Variants in ENTREP2 observed in about 807,000 individuals in gnomAD.
ENTREP2 encodes the protein protein ENTREP2.
At chr15:29,421,167 G>T in the ENTREP2 span, among the ~76,000 whole-genome samples, 1 of 152,206 alleles carries the variant, frequency 6.6e-6, no homozygotes, top group African/African-American at 2.4e-5. Context: ...CAGTATTACT[G>T]AGAGGCTATT....
the ENTREP2 span, among the ~76,000 whole-genome samples, chr15:29,532,262 G>A: frequency 1.3e-5 from 2 of 152,210 alleles, no homozygotes; most frequent in Admixed American, 6.5e-5. Flanking sequence ...AACAGCTCAG[G>A]AAGTGATCTG....
chr15:29,295,217 A>G, the ENTREP2 span, among the ~76,000 whole-genome samples: 1 of 152,250 alleles, frequency 6.6e-6, no homozygotes, highest in Non-Finnish European at 1.5e-5. Flanking sequence ...TCCATCTGAA[A>G]TGCTGCCTCC....
chr15:29,244,877 G>T, the ENTREP2 span, among the ~76,000 whole-genome samples: 1 of 152,282 alleles, frequency 6.6e-6, no homozygotes, highest in South Asian at 2.1e-4. Context: ...CATGCTTGGT[G>T]GTGGGTCACT....
the ENTREP2 span, among the ~76,000 whole-genome samples, chr15:29,322,345 C>T: frequency 6.6e-6 from 1 of 152,154 alleles, no homozygotes; most frequent in African/African-American, 2.4e-5. Flanking sequence ...CCTATAGTCA[C>T]CACATTGTGC....
chr15:29,237,875 T>G, the ENTREP2 span, among the ~76,000 whole-genome samples: 1 of 152,122 alleles, frequency 6.6e-6, no homozygotes, highest in Non-Finnish European at 1.5e-5. Flanking sequence ...GAAATGAAAA[T>G]ATATGCACAT....
At chr15:29,141,316 C>CCT in the ENTREP2 span, among the ~76,000 whole-genome samples, 20 of 152,316 alleles carry the variant, frequency 1.3e-4, no homozygotes, top group South Asian at 6.2e-4. Flanking sequence ...CATTTCTGAT[C>CCT]CTGTGAGTCT....
At chr15:29,361,329 T>G in the ENTREP2 span, among the ~76,000 whole-genome samples, 4 of 152,224 alleles carry the variant, frequency 2.6e-5, no homozygotes, top group Admixed American at 2.6e-4. Flanking sequence ...ATAATCCCTT[T>G]GAAAAGGACA....
chr15:29,581,009 C>A, the ENTREP2 span, among the ~76,000 whole-genome samples: 1 of 152,096 alleles, frequency 6.6e-6, no homozygotes, highest in South Asian at 2.1e-4. Flanking sequence ...TCGCACCAGA[C>A]CTCATATTTC....
chr15:29,664,510 G>A, the ENTREP2 span, among the ~76,000 whole-genome samples: 14 of 150,994 alleles, frequency 9.3e-5, no homozygotes, highest in African/African-American at 2.7e-4. Flanking sequence ...GCTGGATGCC[G>A]ACGCTGGGAG....
chr15:29,524,810 A>G, the ENTREP2 span, among the ~76,000 whole-genome samples: 2 of 152,224 alleles, frequency 1.3e-5, no homozygotes, highest in African/African-American at 2.4e-5. Context: ...CATAACAAAC[A>G]TGGACCAGAA....
At chr15:29,318,469 T>C in the ENTREP2 span, among the ~76,000 whole-genome samples, 1 of 152,082 alleles carries the variant, frequency 6.6e-6, no homozygotes, top group Admixed American at 6.6e-5. Context: ...TACAGGCGCC[T>C]GCCAGCACAC....
At chr15:29,325,932 A>G in the ENTREP2 span, among the ~76,000 whole-genome samples, 4 of 152,192 alleles carry the variant, frequency 2.6e-5, no homozygotes, top group Non-Finnish European at 5.9e-5. Context: ...GACTGGTACA[A>G]TATTTGAAAA....
the ENTREP2 span, among the ~76,000 whole-genome samples, chr15:29,443,660 G>GT: frequency 6.6e-6 from 1 of 152,040 alleles, no homozygotes; most frequent in East Asian, 1.9e-4. Flanking sequence ...AGAAACACAA[G>GT]TTACAGTAGG....
At chr15:29,254,922 T>C in the ENTREP2 span, among the ~76,000 whole-genome samples, 3 of 152,150 alleles carry the variant, frequency 2.0e-5, no homozygotes, top group Non-Finnish European at 4.4e-5. Flanking sequence ...CATGAAATAG[T>C]ATTTTGTCTG....
the ENTREP2 span, among the ~76,000 whole-genome samples, chr15:29,353,072 A>G: frequency 0.08 from 12,248 of 152,256 alleles, 966 homozygotes; most frequent in African/African-American, 0.2. Flanking sequence ...TATAAAACTC[A>G]CATTCCCTTT....
At chr15:29,164,729 TG>T in the ENTREP2 span, among the ~76,000 whole-genome samples, 1 of 152,042 alleles carries the variant, frequency 6.6e-6, no homozygotes, top group African/African-American at 2.4e-5. Context: ...ACAATAATAG[TG>T]GGGGACTTCA....
chr15:29,208,183 C>A, the ENTREP2 span, among the ~76,000 whole-genome samples: 1 of 135,496 alleles, frequency 7.4e-6, no homozygotes, highest in African/African-American at 2.7e-5. Context: ...CAGATAACAG[C>A]CTTAGAATCC....
the ENTREP2 span, among the ~76,000 whole-genome samples, chr15:29,473,262 G>C: frequency 1.5e-3 from 224 of 150,866 alleles, no homozygotes; most frequent in Admixed American, 9.4e-3. Flanking sequence ...CTACAGCTCT[G>C]ACTAACCCGG....
the ENTREP2 span, among the ~76,000 whole-genome samples, chr15:29,231,256 T>C: frequency 6.6e-6 from 1 of 152,254 alleles, no homozygotes; most frequent in East Asian, 1.9e-4. Context: ...AGCCACTCAG[T>C]ACTAACCTCT....
Sources: allele counts gnomAD v4.1 joint callset (sites outside exome capture counted in the v4.1 genomes callset), GRCh38; gene constraint gnomAD v4.1.1; transcripts MANE v1.5; gene names NCBI Gene and HGNC (gene_info 2026-07-23, HGNC 2026-07-21).